The following CEACAM4 variants were observed in gnomAD, a reference collection of about 807,000 sequenced individuals.
CEACAM4 encodes CEA cell adhesion molecule 4.
Under a neutral mutation model 28.7 loss-of-function variants are expected in CEACAM4, and 30 were observed. That is an observed-to-expected ratio of 1.05 (90% CI 0.78 to 1.42). CEACAM4 has a LOEUF of 1.42. Among genes scored for constraint, CEACAM4 ranks in the 40% most tolerant of loss-of-function variants. The probability of loss-of-function intolerance (pLI) is 0.00; values close to 1 mark genes in which losing one functional copy is unlikely to be tolerated. For synonymous variants in CEACAM4, 143 were observed against 126.5 expected (o/e 1.13, Z -0.87); for missense variants, 330 against 308.2 (o/e 1.07, Z -0.53).
At chr19:41,613,884 A>G in the CEACAM4 span, among the ~76,000 whole-genome samples, 1 of 152,240 alleles carries the variant, frequency 6.6e-6, no homozygotes, top group East Asian at 1.9e-4. Flanking sequence ...TGCTTCTGGT[A>G]TGAGAAAGTC....
chr19:41,622,773 TCTC>T (rs1167921417), intron 2 of CEACAM4, among the ~76,000 whole-genome samples: 14 of 152,180 alleles, frequency 9.2e-5, no homozygotes, highest in Non-Finnish European at 2.1e-4. Context: ...ATCTCTTTAA[TCTC>T]CTAATAAACA....
chr19:41,615,040 G>T (rs2070969334), downstream of CEACAM4, among the ~76,000 whole-genome samples: 1 of 152,094 alleles, frequency 6.6e-6, no homozygotes, highest in Non-Finnish European at 1.5e-5. Flanking sequence ...ACCTGCCTCT[G>T]GGGTACAAGA....
downstream of CEACAM4, among the ~76,000 whole-genome samples, chr19:41,616,807 C>T (rs1463080004): frequency 6.6e-6 from 1 of 152,098 alleles, no homozygotes; most frequent in Non-Finnish European, 1.5e-5. Context: ...AGACGTTAAT[C>T]ATGGAAGGTT....
rs140171205 is a variant in CEACAM4, at chr19:41,626,938, C to A, written c.26G>T (p.Arg9Leu). The change falls in exon 1 of 7, where the codon CGT becomes CTT. Residue 9 changes from arginine to leucine, a missense_variant. Physicochemically the swap from Arg to Leu is moderately radical, Grantham distance 102. Coordinates refer to ENST00000221954, the MANE Select transcript of CEACAM4 (RefSeq NM_001817.4). Reference sequence around the variant, plus strand: ...CCCCTGCCAGGGCCTGTGCCCTCCACGGGGAGCGGCTGAGGGGGGGCCCAT... The same window carrying A: ...CCCCTGCCAGGGCCTGTGCCCTCCAAGGGGAGCGGCTGAGGGGGGGCCCAT... MGPPSAAP[R>L]GGHRPWQGLL... The A allele has an allele frequency of 6.2e-7, 1 of 1,606,262 alleles. No homozygotes were observed. Among genetic ancestry groups the A allele is most frequent in the Non-Finnish European group, 8.5e-7 (1 of 1,176,112 alleles).
Position 41,626,923 on chromosome 19 carries a change from G to A in CEACAM4, c.41C>T (p.Pro14Leu). The A allele has an allele frequency of 6.2e-7, 1 of 1,609,100 alleles. No individual in the cohort carries two copies. Among genetic ancestry groups the A allele is most frequent in the Non-Finnish European group, 8.5e-7 (1 of 1,177,522 alleles). The change falls in exon 1 of 7, where the codon CCC (proline) becomes CTC (leucine). Residue 14 changes from proline to leucine, a missense_variant. Pro to Leu is a moderately conservative substitution (Grantham distance 98, BLOSUM62 -3). Coordinates refer to ENST00000221954, the MANE Select transcript of CEACAM4 (RefSeq NM_001817.4). ...ACCTGTGATCAGGAGCCCCTGCCAG[G>A]GCCTGTGCCCTCCACGGGGAGCGGC... is the stretch of plus-strand genomic sequence containing the variant. ...PSAAPRGGHRPWQGLLITASL... is the reference protein window; with the variant it reads ...PSAAPRGGHRLWQGLLITASL...
At chr19:41,620,379 G>A (rs2071197951) in intron 4 of CEACAM4, 137 bp from the exon 5 acceptor site, 1 of 922,568 alleles carries the variant, frequency 1.1e-6, no homozygotes, top group Non-Finnish European at 1.6e-6. Context: ...AGCAGCTGAG[G>A]TCGAGGAGGT....
At chr19:41,614,275 T>C (rs2070963477), downstream of CEACAM4, among the ~76,000 whole-genome samples, 1 of 152,222 alleles carries the variant, frequency 6.6e-6, no homozygotes, top group African/African-American at 2.4e-5. Context: ...CTTCAACATG[T>C]ATTTATGAAG....
downstream of CEACAM4, among the ~76,000 whole-genome samples, chr19:41,614,051 A>T (rs1184690750): frequency 6.6e-6 from 1 of 152,234 alleles, no homozygotes; most frequent in Non-Finnish European, 1.5e-5. Flanking sequence ...TGCAGCATGT[A>T]TGGAGGGCAC....
chr19:41,625,268 C>T (rs2071559762), intron 2 of CEACAM4, among the ~76,000 whole-genome samples: 1 of 152,156 alleles, frequency 6.6e-6, no homozygotes, highest in Non-Finnish European at 1.5e-5. Context: ...TGTGAGGTTC[C>T]CAGGACGCCC....
At position 41,623,650 on chromosome 19, in the gene CEACAM4, G is replaced by A. The variant is rs1555802680; in HGVS notation, c.425-1882C>T. 2.6e-5 allele frequency among the ~76,000 whole-genome samples: 4 copies of A among 152,026 alleles called. No homozygotes were observed. The South Asian group carries it at 8.3e-4, about 32-fold the overall frequency. ...TCCTTTAGGTGGGACATGATGGCTAGAGGGGGCTGGAGTTGGATATTTCCC... is the reference window on the plus strand; with the variant it reads ...TCCTTTAGGTGGGACATGATGGCTAAAGGGGGCTGGAGTTGGATATTTCCC... On this transcript the variant is annotated intron_variant, in intron 2 of 6. Transcript: ENST00000221954.
intron 5 of CEACAM4, 135 bp downstream of exon 5, chr19:41,620,076 G>A (rs543924135): frequency 1.7e-5 from 14 of 808,288 alleles, no homozygotes; most frequent in South Asian, 6.3e-5. Context: ...GATCCTGGCC[G>A]GAGGCACTCA....
chr19:41,619,091 C>T lies in CEACAM4; in HGVS notation c.*239G>A. On this transcript the variant is annotated 3_prime_UTR_variant, in exon 7 of 7. Transcript: ENST00000221954. Reference sequence around the variant, plus strand: ...GCCACAGGCCCATTCACTTTCCTTGCAAGCCCCCGCTTCCTGTGGTGATGA... The same window carrying T: ...GCCACAGGCCCATTCACTTTCCTTGTAAGCCCCCGCTTCCTGTGGTGATGA... 1 of 534,480 alleles carries T rather than the reference C, an allele frequency of 1.9e-6. No homozygotes were observed. Among genetic ancestry groups the T allele is most frequent in the Non-Finnish European group, 3.3e-6 (1 of 303,198 alleles). The allele number at this position is 534,480 out of a possible 1,614,324, so 33.1% of individuals were successfully genotyped here.
At chr19:41,613,631 T>G in the CEACAM4 span, among the ~76,000 whole-genome samples, 2 of 151,978 alleles carry the variant, frequency 1.3e-5, no homozygotes, top group Non-Finnish European at 2.9e-5. Context: ...TCAAACAGAT[T>G]GTCCTCAGGG....
Position 41,626,955 on chromosome 19 carries a change from G to C in CEACAM4, c.9C>G (p.Pro3=). 1 of 1,604,670 alleles carries C rather than the reference G, an allele frequency of 6.2e-7. No individual in the cohort carries two copies. The highest frequency in any genetic ancestry group is 1.1e-5 in the South Asian group (1 of 90,294). MG[P]PSAAPRGGHR... ...GCCCTCCACGGGGAGCGGCTGAGGG[G>C]GGGCCCATGGTCTCTGCTGCCTGCT... Residue 3 remains proline (P), a synonymous_variant, in exon 1 of 7, where the codon CCC becomes CCG. Transcript: ENST00000221954.
downstream of CEACAM4, among the ~76,000 whole-genome samples, chr19:41,616,274 T>C (rs2070980869): frequency 1.3e-5 from 2 of 152,024 alleles, no homozygotes; most frequent in South Asian, 2.1e-4. Flanking sequence ...TCAAGTGATC[T>C]GCCTGCCTCA....
At chr19:41,618,362 C>T (rs1026666680), downstream of CEACAM4, among the ~76,000 whole-genome samples, 21 of 152,100 alleles carry the variant, frequency 1.4e-4, no homozygotes, top group Non-Finnish European at 1.6e-4. Context: ...CAATGAGGGG[C>T]CAGAGTCCTG....
At position 41,619,268 on chromosome 19, in the gene CEACAM4, T is replaced by C; in HGVS notation, c.*62A>G. On this transcript the variant is annotated 3_prime_UTR_variant, in exon 7 of 7. Transcript: ENST00000221954. Reference sequence around the variant, plus strand: ...GGCTCAGGCTCCATGTCCTTCCCCGTCCCCAGGGCTGGGAGCTTCGGGGAC... The same window carrying C: ...GGCTCAGGCTCCATGTCCTTCCCCGCCCCCAGGGCTGGGAGCTTCGGGGAC... 1 of 1,378,434 alleles carries C rather than the reference T, an allele frequency of 7.3e-7. No individual in the cohort carries two copies. Among genetic ancestry groups the C allele is most frequent in the Non-Finnish European group, 1.0e-6 (1 of 967,286 alleles). The allele number at this position is 1,378,434 out of a possible 1,614,324, so 85.4% of individuals were successfully genotyped here.
chr19:41,615,569 G>C (rs2070974367), downstream of CEACAM4, among the ~76,000 whole-genome samples: 1 of 152,082 alleles, frequency 6.6e-6, no homozygotes, highest in Admixed American at 6.6e-5. Flanking sequence ...GGGTTGCATG[G>C]AGCTGAGCAG....
At chr19:41,623,397 C>T (rs1177981442) in intron 2 of CEACAM4, among the ~76,000 whole-genome samples, 2 of 146,724 alleles carry the variant, frequency 1.4e-5, no homozygotes, top group African/African-American at 5.0e-5. Context: ...GGTTCTGATG[C>T]TTGTTCTGTC....
Sources: allele counts gnomAD v4.1 joint callset (sites outside exome capture counted in the v4.1 genomes callset), GRCh38; gene constraint gnomAD v4.1.1; transcripts MANE v1.5; gene names NCBI Gene and HGNC (gene_info 2026-07-23, HGNC 2026-07-21).